Variants in PID1 observed in about 807,000 individuals in gnomAD.
PID1 encodes the protein PTB-containing, cubilin and LRP1-interacting protein.
Under a neutral mutation model 19.1 loss-of-function variants are expected in PID1, and 10 were observed. The ratio of observed to expected loss-of-function variants is 0.52; its 90% CI spans 0.32 to 0.89. The LOEUF is 0.89. Among genes scored for constraint, PID1 ranks in the 40% least tolerant of loss-of-function variants. PID1 has a pLI of 0.03. For missense variants in PID1, 248 were observed against 285.3 expected (o/e 0.87, Z 0.94); for synonymous variants, 130 against 116.0 (o/e 1.12, Z -0.78).
At chr2:229,168,328 T>C (rs185078697) in intron 1 of PID1, among the ~76,000 whole-genome samples, 1 of 152,280 alleles carries the variant, frequency 6.6e-6, no homozygotes, top group Admixed American at 6.5e-5. Context: ...ATCCCACAAA[T>C]CTTGTATGGT....
At chr2:229,091,649 T>C (rs1018358671) in intron 2 of PID1, among the ~76,000 whole-genome samples, 12 of 152,172 alleles carry the variant, frequency 7.9e-5, no homozygotes, top group Middle Eastern at 3.2e-3. Flanking sequence ...AGCACCTTGA[T>C]GTTGGACTTC....
At chr2:229,155,760 C>A in intron 2 of PID1, 58 bp downstream of exon 2, 1 of 1,482,876 alleles carries the variant, frequency 6.7e-7, no homozygotes, top group Non-Finnish European at 9.2e-7. Context: ...GGTCTCAAGC[C>A]CACACATCTT....
chr2:229,250,320 C>T (rs966434291), intron 1 of PID1, among the ~76,000 whole-genome samples: 8 of 152,134 alleles, frequency 5.3e-5, no homozygotes, highest in African/African-American at 1.2e-4. Flanking sequence ...TTTCTTAGGA[C>T]TCTTGGCAGT....
intron 1 of PID1, among the ~76,000 whole-genome samples, chr2:229,245,274 C>T (rs1406916642): frequency 6.6e-6 from 1 of 152,072 alleles, no homozygotes. Context: ...TACTCCCAAA[C>T]AAGGCCAAGA....
intron 2 of PID1, among the ~76,000 whole-genome samples, chr2:229,107,242 G>A (rs533818457): frequency 6.6e-6 from 1 of 152,162 alleles, no homozygotes; most frequent in African/African-American, 2.4e-5. Flanking sequence ...AGAATGGAGA[G>A]AATAAGTTCC....
At chr2:229,177,756 T>C (rs192017971) in intron 1 of PID1, among the ~76,000 whole-genome samples, 4 of 151,488 alleles carry the variant, frequency 2.6e-5, no homozygotes, top group Admixed American at 6.6e-5. Flanking sequence ...TCATCATCAT[T>C]GTCAGTCATT....
intron 2 of PID1, among the ~76,000 whole-genome samples, chr2:229,140,101 A>C (rs1689980236): frequency 6.6e-6 from 1 of 152,160 alleles, no homozygotes; most frequent in African/African-American, 2.4e-5. Flanking sequence ...AAAGTATGCT[A>C]TGTCCACCCC....
chr2:229,025,362 T>G lies in PID1; in HGVS notation c.*270A>C. 8.1e-6 allele frequency: 3 copies of G among 370,152 alleles called. No individual in the cohort carries two copies. The highest frequency in any genetic ancestry group is 5.1e-5 in the East Asian group (1 of 19,756). The allele number at this position is 370,152 out of a possible 1,614,324, so 22.9% of individuals were successfully genotyped here. A position where few individuals can be genotyped will look rare whatever the true frequency, so the allele number is the denominator to read the frequency against. ...ATGGAGCTCTCCCACAGAGAGGCAT[T>G]GGGAAATGAGAAAAATAAGAGAGCC... On this transcript the variant is annotated 3_prime_UTR_variant, in exon 3 of 3. Coordinates refer to ENST00000392055, the MANE Select transcript of PID1 (RefSeq NM_001100818.2).
intron 2 of PID1, among the ~76,000 whole-genome samples, chr2:229,109,304 C>T (rs992680488): frequency 2.0e-5 from 3 of 151,894 alleles, no homozygotes; most frequent in African/African-American, 4.8e-5. Flanking sequence ...CAGAAACCCC[C>T]GAGTTCTAAT....
At chr2:229,168,141 T>C (rs933073619) in intron 1 of PID1, among the ~76,000 whole-genome samples, 7 of 152,208 alleles carry the variant, frequency 4.6e-5, no homozygotes, top group Non-Finnish European at 7.4e-5. Flanking sequence ...GCCAGTTATA[T>C]AGCTTGTTTC....
intron 1 of PID1, among the ~76,000 whole-genome samples, chr2:229,210,707 T>C (rs558402932): frequency 1.3e-5 from 2 of 152,102 alleles, no homozygotes; most frequent in African/African-American, 4.8e-5. Flanking sequence ...AATGAGTGAA[T>C]GTGATGTGCC....
At chr2:229,131,192 T>C (rs1689732215) in intron 2 of PID1, among the ~76,000 whole-genome samples, 2 of 152,042 alleles carry the variant, frequency 1.3e-5, no homozygotes, top group Admixed American at 1.3e-4. Context: ...AAATAAATAC[T>C]ACATTTTTCT....
intron 1 of PID1, among the ~76,000 whole-genome samples, chr2:229,237,019 C>T (rs1689716965): frequency 6.6e-6 from 1 of 150,956 alleles, no homozygotes; most frequent in Non-Finnish European, 1.5e-5. Flanking sequence ...CACACACACA[C>T]ACACACTGAC....
chr2:229,046,896 C>G (rs1439171103), intron 2 of PID1, among the ~76,000 whole-genome samples: 1 of 152,206 alleles, frequency 6.6e-6, no homozygotes, highest in Non-Finnish European at 1.5e-5. Context: ...AACCTTCAAT[C>G]TCCCAAAACC....
chr2:229,184,357 A>T (rs1386423018), intron 1 of PID1, among the ~76,000 whole-genome samples: 1 of 114,120 alleles, frequency 8.8e-6, no homozygotes, highest in African/African-American at 3.4e-5. Context: ...TATATATATC[A>T]CACATATATA....
At chr2:229,266,773 A>G (rs1690601823) in intron 1 of PID1, among the ~76,000 whole-genome samples, 1 of 152,210 alleles carries the variant, frequency 6.6e-6, no homozygotes, top group South Asian at 2.1e-4. Flanking sequence ...AATGAGCCAG[A>G]TAGTTAAAAT....
chr2:229,188,141 C>A (rs143602029), intron 1 of PID1, among the ~76,000 whole-genome samples: 1 of 152,194 alleles, frequency 6.6e-6, no homozygotes, highest in Non-Finnish European at 1.5e-5. Flanking sequence ...GTAAGACATT[C>A]ATTCTCTCCA....
intron 1 of PID1, among the ~76,000 whole-genome samples, chr2:229,166,329 A>C (rs1157865572): frequency 6.6e-6 from 1 of 152,218 alleles, no homozygotes; most frequent in Non-Finnish European, 1.5e-5. Context: ...GAGGAGAGTG[A>C]GGTACATGAA....
chr2:229,146,560 T>C (rs1022521153), intron 2 of PID1, among the ~76,000 whole-genome samples: 4 of 151,884 alleles, frequency 2.6e-5, no homozygotes, highest in African/African-American at 9.7e-5. Context: ...TGTTTGACAA[T>C]TTTTGCATTT....
Sources: gnomAD v4.1 joint callset for allele counts (sites outside exome capture counted in the v4.1 genomes callset) on GRCh38, gnomAD v4.1.1 for gene constraint, MANE v1.5 for transcripts, NCBI Gene and HGNC (gene_info 2026-07-23, HGNC 2026-07-21) for gene names.